The following ROBO2 variants were observed in gnomAD, a reference collection of about 807,000 sequenced individuals.
ROBO2 encodes the protein roundabout guidance receptor 2, also known as roundabout homolog 2.
A neutral mutation model predicts 160.8 loss-of-function variants in ROBO2; 53 were observed. The observed-to-expected ratio is 0.33, with a 90% CI of 0.26 to 0.41. The LOEUF is 0.41. Ranked by LOEUF, ROBO2 falls within the 10% of genes least tolerant of loss-of-function variation. The probability of loss-of-function intolerance (pLI) is 1.00; values close to 1 mark genes in which losing one functional copy is unlikely to be tolerated. For missense variants in ROBO2, 1,577 were observed against 1,722.4 expected (o/e 0.92, Z 1.49); for synonymous variants, 664 against 611.7 (o/e 1.09, Z -1.26).
chr3:77,143,690 A>G (rs1477206359), intron 2 of ROBO2, among the ~76,000 whole-genome samples: 2 of 152,184 alleles, frequency 1.3e-5, no homozygotes, highest in Non-Finnish European at 2.9e-5. Context: ...GAGAAAATAT[A>G]GAGTCGAGAG....
At chr3:77,575,935 T>C (rs1321106941) in intron 14 of ROBO2, among the ~76,000 whole-genome samples, 2 of 152,048 alleles carry the variant, frequency 1.3e-5, no homozygotes, top group Non-Finnish European at 2.9e-5. Flanking sequence ...TCTGTGGCTA[T>C]GTGATGGTAA....
At chr3:77,294,939 A>G (rs1164723184) in intron 2 of ROBO2, among the ~76,000 whole-genome samples, 1 of 151,950 alleles carries the variant, frequency 6.6e-6, no homozygotes, top group Non-Finnish European at 1.5e-5. Flanking sequence ...AGTAAAATTG[A>G]TGGTTAAACG....
chr3:76,952,814 A>G (rs370112437), intron 2 of ROBO2, among the ~76,000 whole-genome samples: 3 of 152,096 alleles, frequency 2.0e-5, no homozygotes, highest in East Asian at 3.9e-4. Flanking sequence ...TTTTAATTAA[A>G]CTGAATTTTC....
intron 2 of ROBO2, among the ~76,000 whole-genome samples, chr3:77,187,921 C>T (rs910523411): frequency 4.6e-5 from 7 of 151,764 alleles, no homozygotes; most frequent in Non-Finnish European, 7.4e-5. Flanking sequence ...GGTAATAAAA[C>T]ATATTAAATG....
chr3:76,815,845 T>C (rs913450020), intron 2 of ROBO2, among the ~76,000 whole-genome samples: 23 of 152,098 alleles, frequency 1.5e-4, no homozygotes, highest in African/African-American at 4.6e-4. Flanking sequence ...AATTACTTTC[T>C]CCTCAAGGCT....
chr3:75,975,469 TA>T (rs2065111839), intron 2 of ROBO2, among the ~76,000 whole-genome samples: 1 of 151,384 alleles, frequency 6.6e-6, no homozygotes, highest in South Asian at 2.1e-4. Flanking sequence ...TATTTATATA[TA>T]TTAATATATT....
intron 21 of ROBO2, among the ~76,000 whole-genome samples, chr3:77,610,253 T>C (rs1467554179): frequency 6.6e-6 from 1 of 152,146 alleles, no homozygotes; most frequent in East Asian, 1.9e-4. Flanking sequence ...TTTTCTATAA[T>C]TTAGAACCTT....
At chr3:77,484,873 T>A (rs2085156714) in intron 4 of ROBO2, among the ~76,000 whole-genome samples, 1 of 152,152 alleles carries the variant, frequency 6.6e-6, no homozygotes, top group Non-Finnish European at 1.5e-5. Flanking sequence ...TTTCTGGTAC[T>A]ATTTTTGTTC....
At chr3:76,031,455 A>G (rs1253300175) in intron 2 of ROBO2, among the ~76,000 whole-genome samples, 1 of 152,168 alleles carries the variant, frequency 6.6e-6, no homozygotes, top group Non-Finnish European at 1.5e-5. Context: ...TTCAAAGGGA[A>G]TGCCTACAGT....
intron 2 of ROBO2, among the ~76,000 whole-genome samples, chr3:77,188,936 T>C (rs1182258222): frequency 1.3e-5 from 2 of 150,592 alleles, no homozygotes; most frequent in African/African-American, 2.4e-5. Context: ...GAAGCCAGAT[T>C]ACTTTTGTAA....
intron 2 of ROBO2, among the ~76,000 whole-genome samples, chr3:77,266,867 C>CT (rs1580498730): frequency 6.6e-6 from 1 of 152,048 alleles, no homozygotes; most frequent in Non-Finnish European, 1.5e-5. Flanking sequence ...TTTACTCTCT[C>CT]TTTTTTTCCC....
intron 2 of ROBO2, among the ~76,000 whole-genome samples, chr3:76,536,170 T>G (rs540229379): frequency 6.6e-6 from 1 of 152,318 alleles, no homozygotes; most frequent in South Asian, 2.1e-4. Flanking sequence ...TTGGTTGTTC[T>G]GAAGTTTTTC....
chr3:77,388,814 A>G (rs112513942), intron 2 of ROBO2, among the ~76,000 whole-genome samples: 10 of 152,244 alleles, frequency 6.6e-5, no homozygotes, highest in Admixed American at 1.3e-4. Flanking sequence ...TCTATAAAAA[A>G]TTTGTCTGAA....
chr3:76,182,664 G>A (rs931582), intron 2 of ROBO2, among the ~76,000 whole-genome samples: 47,804 of 151,896 alleles, frequency 0.31, 8,870 homozygotes, highest in Non-Finnish European at 0.41. Flanking sequence ...TTATCACTCC[G>A]CGACCAACCA....
At chr3:76,997,507 C>T (rs765137776) in intron 2 of ROBO2, among the ~76,000 whole-genome samples, 21 of 152,208 alleles carry the variant, frequency 1.4e-4, no homozygotes, top group Non-Finnish European at 2.2e-4. Flanking sequence ...GAAGAGTTCC[C>T]TAATATCTTC....
intron 1 of ROBO2, among the ~76,000 whole-genome samples, chr3:77,053,042 T>C (rs2065377629): frequency 6.6e-6 from 1 of 152,198 alleles, no homozygotes; most frequent in Admixed American, 6.5e-5. Context: ...AGTGGTATTA[T>C]TATAATCCTC....
At chr3:76,220,387 G>T (rs186004916) in intron 2 of ROBO2, among the ~76,000 whole-genome samples, 2 of 151,786 alleles carry the variant, frequency 1.3e-5, no homozygotes, top group Admixed American at 6.6e-5. Flanking sequence ...AGTATTAAGC[G>T]GTGTGGTCTT....
At chr3:77,058,573 C>T (rs551503106) in intron 1 of ROBO2, among the ~76,000 whole-genome samples, 21 of 152,266 alleles carry the variant, frequency 1.4e-4, no homozygotes, top group East Asian at 1.4e-3. Flanking sequence ...ACGCCTCTCA[C>T]CTAGGCTGGA....
At chr3:76,447,281 A>G (rs899390564) in intron 2 of ROBO2, among the ~76,000 whole-genome samples, 11 of 152,228 alleles carry the variant, frequency 7.2e-5, no homozygotes, top group Non-Finnish European at 1.0e-4. Flanking sequence ...GCCAAAAAAC[A>G]CATGAAAAAA....
Sources: gnomAD v4.1 joint callset for allele counts (sites outside exome capture counted in the v4.1 genomes callset) on GRCh38, gnomAD v4.1.1 for gene constraint, MANE v1.5 for transcripts, NCBI Gene and HGNC (gene_info 2026-07-23, HGNC 2026-07-21) for gene names.